KCNC2: variants seen among roughly 807,000 people sequenced by gnomAD.
The protein encoded by KCNC2 is voltage-gated potassium channel KCNC2.
KCNC2 carries 21 observed loss-of-function variants against 44.5 expected under a neutral mutation model. The observed-to-expected ratio is 0.47, with a 90% CI of 0.33 to 0.68. The LOEUF (loss-of-function observed/expected upper bound fraction) is 0.68. Among genes scored for constraint, KCNC2 ranks in the 30% least tolerant of loss-of-function variants. The pLI, the probability that KCNC2 is intolerant of heterozygous loss-of-function variation, is 0.01. For synonymous variants in KCNC2, 391 were observed against 339.1 expected (o/e 1.15, Z -1.68); for missense variants, 589 against 826.2 (o/e 0.71, Z 3.52).
At chr12:75,078,534 G>A (rs577141709) in intron 2 of KCNC2, among the ~76,000 whole-genome samples, 49 of 152,188 alleles carry the variant, frequency 3.2e-4, no homozygotes, top group African/African-American at 1.1e-3. Context: ...TTATAGGGAG[G>A]CCTTACTATA....
In KCNC2 at chr12:75,042,129, A is replaced by C; in HGVS notation, c.*976T>G. The C allele has an allele frequency of 8.0e-7, 1 of 1,252,086 alleles. No individual in the cohort carries two copies. Among genetic ancestry groups the C allele is most frequent in the Non-Finnish European group, 1.0e-6 (1 of 995,854 alleles). 77.6% of individuals were successfully genotyped at this position (1,252,086 alleles called of 1,614,324 possible). On this transcript the variant is annotated 3_prime_UTR_variant, in exon 5 of 5. Coordinates refer to ENST00000549446, the MANE Select transcript of KCNC2 (RefSeq NM_139137.4). Reference sequence around the variant, plus strand: ...AAAATTAATAAATAAAAATAAAATAAGGGGGTAAAAAAAAGACACAAGAGC... The same window carrying C: ...AAAATTAATAAATAAAAATAAAATACGGGGGTAAAAAAAAGACACAAGAGC...
At chr12:75,142,201 C>T (rs1889704530) in intron 2 of KCNC2, among the ~76,000 whole-genome samples, 1 of 152,116 alleles carries the variant, frequency 6.6e-6, no homozygotes, top group South Asian at 2.1e-4. Context: ...GTCCAAGATC[C>T]TACTTTAAAT....
chr12:75,097,357 T>C (rs569751562), intron 2 of KCNC2, among the ~76,000 whole-genome samples: 6 of 152,234 alleles, frequency 3.9e-5, no homozygotes, highest in Middle Eastern at 3.4e-3. Context: ...TCAAAACCCA[T>C]AGAATGTACA....
intron 2 of KCNC2, among the ~76,000 whole-genome samples, chr12:75,052,295 G>C (rs1881262995): frequency 6.6e-6 from 1 of 152,222 alleles, no homozygotes; most frequent in East Asian, 1.9e-4. Flanking sequence ...ATAAGCCTGA[G>C]TCACTAACTT....
At chr12:75,204,663 T>G (rs2031545579) in intron 2 of KCNC2, among the ~76,000 whole-genome samples, 1 of 152,136 alleles carries the variant, frequency 6.6e-6, no homozygotes, top group Non-Finnish European at 1.5e-5. Flanking sequence ...TTCCTCGAAT[T>G]GTGTCGATGC....
At chr12:75,067,602 T>A (rs1198453353) in intron 2 of KCNC2, among the ~76,000 whole-genome samples, 1 of 150,684 alleles carries the variant, frequency 6.6e-6, no homozygotes, top group Non-Finnish European at 1.5e-5. Context: ...CTCTTCTACA[T>A]GGCTTGCTGT....
intron 2 of KCNC2, among the ~76,000 whole-genome samples, chr12:75,059,828 T>C (rs1317528599): frequency 6.6e-6 from 1 of 151,666 alleles, no homozygotes; most frequent in East Asian, 1.9e-4. Context: ...GAATTCACAA[T>C]AGTCATAGAG....
Position 75,138,387 on chromosome 12 carries a change from C to T in KCNC2, c.687+68910G>A, listed in dbSNP as rs140146381. Among the ~76,000 whole-genome samples the T allele has an allele frequency of 4.6e-5, 7 of 152,168 alleles. No homozygotes were observed. The East Asian group carries it at 1.4e-3, about 29-fold the overall frequency. Reference sequence around the variant, plus strand: ...CAGGAGAAAAAGAATGCAAGTAGACCTGAGGTTACAAAGTGTGTTTTTAGA... The same window carrying T: ...CAGGAGAAAAAGAATGCAAGTAGACTTGAGGTTACAAAGTGTGTTTTTAGA... On this transcript the variant is annotated intron_variant, in intron 2 of 4. Transcript: ENST00000549446.
chr12:75,055,069 A>C (rs1324448081), intron 2 of KCNC2, among the ~76,000 whole-genome samples: 2 of 152,132 alleles, frequency 1.3e-5, no homozygotes, highest in Non-Finnish European at 2.9e-5. Context: ...GGAGGGGAAG[A>C]GATTTTATTT....
intron 2 of KCNC2, among the ~76,000 whole-genome samples, chr12:75,172,598 T>C (rs1325454880): frequency 2.0e-5 from 3 of 151,916 alleles, no homozygotes; most frequent in Non-Finnish European, 4.4e-5. Flanking sequence ...TCTCACAAGC[T>C]ACTGATAAGT....
intron 2 of KCNC2, among the ~76,000 whole-genome samples, chr12:75,143,748 G>A (rs1376729633): frequency 6.6e-6 from 1 of 152,092 alleles, no homozygotes; most frequent in East Asian, 1.9e-4. Flanking sequence ...AAAACATCTA[G>A]TGAGTTGTAT....
intron 1 of KCNC2, 103 bp from the exon 2 acceptor site, chr12:75,208,105 G>A: frequency 7.2e-7 from 1 of 1,383,634 alleles, no homozygotes; most frequent in East Asian, 2.5e-5. Flanking sequence ...TGCAGAGTTG[G>A]CAGACAGGCA....
intron 2 of KCNC2, among the ~76,000 whole-genome samples, chr12:75,075,880 C>G (rs938703059): frequency 6.6e-6 from 1 of 152,098 alleles, no homozygotes; most frequent in African/African-American, 2.4e-5. Context: ...CTCCACCTGC[C>G]TTAAGAAAGA....
chr12:75,087,729 G>C (rs1162670436), intron 2 of KCNC2, among the ~76,000 whole-genome samples: 1 of 152,046 alleles, frequency 6.6e-6, no homozygotes, highest in Non-Finnish European at 1.5e-5. Context: ...AAAATGCAAA[G>C]CATAGGCACA....
At chr12:75,153,254 C>T (rs559982760) in intron 2 of KCNC2, among the ~76,000 whole-genome samples, 45 of 151,974 alleles carry the variant, frequency 3.0e-4, no homozygotes, top group Middle Eastern at 3.4e-3. Flanking sequence ...GAGGTAGCAA[C>T]GATGTTTATT....
intron 2 of KCNC2, among the ~76,000 whole-genome samples, chr12:75,188,561 C>T (rs1441866204): frequency 6.6e-6 from 1 of 151,690 alleles, no homozygotes; most frequent in African/African-American, 2.4e-5. Flanking sequence ...GCAGTACATC[C>T]ATAAAAAAAT....
intron 2 of KCNC2, among the ~76,000 whole-genome samples, chr12:75,163,769 C>T (rs527811358): frequency 6.6e-6 from 1 of 151,564 alleles, no homozygotes; most frequent in Non-Finnish European, 1.5e-5. Context: ...AGAAGATTAG[C>T]GATTTTCTTG....
chr12:75,159,074 C>T (rs1890947957), intron 2 of KCNC2, among the ~76,000 whole-genome samples: 1 of 144,272 alleles, frequency 6.9e-6, no homozygotes, highest in Non-Finnish European at 1.5e-5. Context: ...AAAATGAGAA[C>T]ACATGGACAC....
intron 4 of KCNC2, 139 bp from the exon 5 acceptor site, chr12:75,043,380 A>C (rs1880137453): frequency 7.1e-7 from 1 of 1,403,714 alleles, no homozygotes; most frequent in African/African-American, 1.5e-5. Flanking sequence ...TATTGAGACA[A>C]TTTATAACTC....
Sources: allele counts gnomAD v4.1 joint callset (sites outside exome capture counted in the v4.1 genomes callset), GRCh38; gene constraint gnomAD v4.1.1; transcripts MANE v1.5; gene names NCBI Gene and HGNC (gene_info 2026-07-23, HGNC 2026-07-21).